MAG: variants seen among roughly 807,000 people sequenced by gnomAD.
MAG encodes myelin associated glycoprotein, also known as myelin-associated glycoprotein.
In MAG, 30 loss-of-function variants were observed where a neutral mutation model predicts 60.7. That is an observed-to-expected ratio of 0.49 (90% CI 0.37 to 0.67). The LOEUF (loss-of-function observed/expected upper bound fraction) is 0.67. Among genes scored for constraint, MAG ranks in the 30% least tolerant of loss-of-function variants. The pLI is 0.00. For missense variants in MAG, 795 were observed against 851.7 expected (o/e 0.93, Z 0.83); for synonymous variants, 384 against 376.8 (o/e 1.02, Z -0.22).
intron 7 of MAG, among the ~76,000 whole-genome samples, chr19:35,308,969 T>C (rs2066504828): frequency 6.6e-6 from 1 of 152,084 alleles, no homozygotes; most frequent in South Asian, 2.1e-4. Flanking sequence ...CCAGACCCTG[T>C]CTCTAAACGA....
rs1389823030 is a variant in MAG at position 35,295,738 on chromosome 19, G to A, written c.172G>A (p.Val58Ile). 2.5e-6 allele frequency: 4 copies of A among 1,613,820 alleles called. No individual in the cohort carries two copies. Among genetic ancestry groups the A allele is most frequent in the African/African-American group, 2.7e-5 (2 of 74,904 alleles). ...DELRPAVVHG[V>I]WYFNSPYPKN... is the part of the protein sequence containing the mutation. ...GCTGCGGCCCGCTGTGGTGCATGGT[G>A]TCTGGTACTTCAATAGCCCCTACCC... Residue 58 changes from valine (V) to isoleucine (I), a missense_variant, in exon 4 of 11, where the codon GTC (valine) becomes ATC (isoleucine). Coordinates refer to ENST00000392213, the MANE Select transcript of MAG (RefSeq NM_002361.4). The surrounding 1 kb of genome is among the most constrained non-coding windows in gnomAD (Gnocchi z 5.8).
chr19:35,299,947 G>T (rs1267087454), intron 5 of MAG, 97 bp downstream of exon 5: 42 of 1,229,740 alleles, frequency 3.4e-5, no homozygotes, highest in Admixed American at 7.8e-5. Flanking sequence ...GGGCCGGGCC[G>T]TGATGGGGGC....
rs1231017431 is a variant in MAG, at chr19:35,302,711, G to A, written c.1231+3G>A. The A allele has an allele frequency of 1.2e-6, 2 of 1,612,544 alleles. No homozygotes were observed. The highest frequency in any genetic ancestry group is 1.1e-5 in the South Asian group (1 of 91,074). On this transcript the variant is annotated splice_donor_region_variant and intron_variant, in intron 7 of 10. Coordinates refer to ENST00000392213, the MANE Select transcript of MAG (RefSeq NM_002361.4). ...CGCCTTCAACCTGTCTGTGGAGTGT[G>A]AGTACCTTCCGCTCCCCTATGCTGG...
Position 35,299,801 on chromosome 19 carries a change from C to T in MAG, c.663C>T (p.Phe221=), listed in dbSNP as rs1442553875. The part of the protein sequence containing the change: ...NGHRLGCQAS[F]PNTTLQFEGY... The stretch of plus-strand genomic sequence containing the variant: ...ACAGGCTGGGCTGCCAGGCCTCCTT[C>T]CCCAACACCACCCTGCAGTTCGAGG... Residue 221 remains phenylalanine (F), a synonymous_variant, in exon 5 of 11, where the codon TTC becomes TTT. Transcript: ENST00000392213. 1 of 1,541,114 alleles carries T rather than the reference C, an allele frequency of 6.5e-7. No homozygotes were observed.
chr19:35,292,165 T>C lies in MAG; in HGVS notation c.-119T>C, dbSNP rs1429636435. On this transcript the variant is annotated 5_prime_UTR_variant, in exon 1 of 11. Transcript: ENST00000392213. ...CCCTGGAAGGCAGGGGACTGCGAGCTGGGCTGGCGGAGCAGAGGTGCAGAA... is the reference window on the plus strand; with the variant it reads ...CCCTGGAAGGCAGGGGACTGCGAGCCGGGCTGGCGGAGCAGAGGTGCAGAA... 1 of 454,660 alleles carries C rather than the reference T, an allele frequency of 2.2e-6. No homozygotes were observed. The highest frequency in any genetic ancestry group is 2.0e-5 in the African/African-American group (1 of 50,102). 28.2% of individuals were successfully genotyped at this position (454,660 alleles called of 1,614,324 possible).
At chr19:35,305,104 G>C (rs1279368093) in intron 7 of MAG, among the ~76,000 whole-genome samples, 1 of 152,156 alleles carries the variant, frequency 6.6e-6, no homozygotes, top group African/African-American at 2.4e-5. Flanking sequence ...GGAGTGTGCA[G>C]GCCTCACCTG....
intron 8 of MAG, 45 bp downstream of exon 8, chr19:35,310,206 C>T (rs370323060): frequency 1.3e-6 from 2 of 1,567,780 alleles, no homozygotes; most frequent in African/African-American, 1.4e-5. Flanking sequence ...AGGGAGCGGG[C>T]ACGTCTTAGA....
chr19:35,303,975 C>A (rs1445410271), intron 7 of MAG, among the ~76,000 whole-genome samples: 3 of 152,284 alleles, frequency 2.0e-5, no homozygotes, highest in South Asian at 2.1e-4. Flanking sequence ...CTGGTCTTCA[C>A]GATGCCCACA....
intron 10 of MAG, 131 bp from the exon 11 acceptor site, chr19:35,313,159 T>C: frequency 2.0e-6 from 2 of 990,608 alleles, no homozygotes; most frequent in East Asian, 2.8e-5. Context: ...CTGCGGTCCT[T>C]GAGAAAGGAG....
At chr19:35,300,055 G>T (rs2066436160) in intron 5 of MAG, 92 bp from the exon 6 acceptor site, 2 of 1,416,322 alleles carry the variant, frequency 1.4e-6, no homozygotes, top group Non-Finnish European at 1.8e-6. Context: ...GGGCGGGGCC[G>T]GACAGTGTTG....
intron 10 of MAG, 86 bp downstream of exon 10, chr19:35,312,103 G>C: frequency 7.2e-7 from 1 of 1,380,620 alleles, no homozygotes; most frequent in Non-Finnish European, 1.0e-6. Flanking sequence ...CCAAGGGGCA[G>C]GGGAGTGGGA....
intron 7 of MAG, among the ~76,000 whole-genome samples, chr19:35,305,266 C>T (rs2066475711): frequency 6.6e-6 from 1 of 152,170 alleles, no homozygotes; most frequent in Non-Finnish European, 1.5e-5. Context: ...GGCACCAGGT[C>T]TCCAATGTTC....
At chr19:35,310,515 C>T in intron 8 of MAG, 32 bp from the exon 9 acceptor site, 2 of 1,595,752 alleles carry the variant, frequency 1.3e-6, no homozygotes, top group Non-Finnish European at 1.7e-6. Flanking sequence ...CACCCATAGC[C>T]CTAAGGGCGC....
intron 7 of MAG, among the ~76,000 whole-genome samples, chr19:35,304,130 G>A (rs996446464): frequency 2.0e-5 from 3 of 152,112 alleles, no homozygotes; most frequent in Non-Finnish European, 4.4e-5. Flanking sequence ...TAGTCCTCGG[G>A]GGCAACCTCT....
In MAG at chr19:35,313,275, G is replaced by T. The variant is rs199522584; in HGVS notation, c.1717-15G>T. On this transcript the variant is annotated splice_polypyrimidine_tract_variant and intron_variant, in intron 10 of 10. Coordinates refer to ENST00000392213, the MANE Select transcript of MAG (RefSeq NM_002361.4). ...AGGGAGCAGGACCCTGCTAATGGGC[G>T]GTTTCCCCTCTTAGAGCGAGAGGCG... 1.2e-6 allele frequency: 2 copies of T among 1,609,690 alleles called. No individual in the cohort carries two copies. The highest frequency in any genetic ancestry group is 1.7e-6 in the Non-Finnish European group (2 of 1,178,046).
At chr19:35,304,563 C>T (rs1034989920) in intron 7 of MAG, among the ~76,000 whole-genome samples, 2 of 151,128 alleles carry the variant, frequency 1.3e-5, no homozygotes, top group African/African-American at 2.4e-5. Context: ...TTTTTTGAGA[C>T]TGAGTCTCGC....
In MAG at chr19:35,313,539, G is replaced by A; in HGVS notation, c.*85G>A. On this transcript the variant is annotated 3_prime_UTR_variant, in exon 11 of 11. Coordinates refer to ENST00000392213, the MANE Select transcript of MAG (RefSeq NM_002361.4). Reference sequence around the variant, plus strand: ...GCTGTGGGCTCCCTTCCTCCCAAAAGTATCGGGGGCTGGGGCAGGAGGGGA... The same window carrying A: ...GCTGTGGGCTCCCTTCCTCCCAAAAATATCGGGGGCTGGGGCAGGAGGGGA... 1 of 1,389,454 alleles carries A rather than the reference G, an allele frequency of 7.2e-7. No individual in the cohort carries two copies. Among genetic ancestry groups the A allele is most frequent in the Non-Finnish European group, 9.6e-7 (1 of 1,039,124 alleles). The allele number at this position is 1,389,454 out of a possible 1,614,324, so 86.1% of individuals were successfully genotyped here.
Position 35,302,686 on chromosome 19 carries a change from C to T in MAG, c.1209C>T (p.Thr403=), listed in dbSNP as rs1126770. 492,550 of 1,613,482 alleles carry T rather than the reference C, an allele frequency of 0.31. 76,525 individuals carry two copies. The highest frequency in any genetic ancestry group is 0.32 in the Non-Finnish European group (381,834 of 1,179,836). The change falls in exon 7 of 11, where the codon ACC becomes ACT. Residue 403 remains threonine (T), a synonymous_variant. Transcript: ENST00000392213. ...VAENQYGQRA[T]AFNLSVEFAP... The stretch of plus-strand genomic sequence containing the variant: ...AGAACCAGTATGGCCAGAGGGCCAC[C>T]GCCTTCAACCTGTCTGTGGAGTGTG...
At chr19:35,292,330 T>A (rs938876949) in intron 1 of MAG, 126 bp downstream of exon 1, 1 of 440,694 alleles carries the variant, frequency 2.3e-6, no homozygotes, top group Non-Finnish European at 4.6e-6. Context: ...TGATTTAGGA[T>A]GCAGGAGTGT....
Sources: allele counts gnomAD v4.1 joint callset (sites outside exome capture counted in the v4.1 genomes callset), GRCh38; gene constraint gnomAD v4.1.1; non-coding constraint Gnocchi (gnomAD v3.1); transcripts MANE v1.5; gene names NCBI Gene and HGNC (gene_info 2026-07-23, HGNC 2026-07-21).